The following ABCG1 variants were observed in gnomAD, a reference collection of about 807,000 sequenced individuals.
ABCG1 encodes ATP binding cassette subfamily G member 1.
Under a neutral mutation model 69.2 loss-of-function variants are expected in ABCG1, and 29 were observed. That is an observed-to-expected ratio of 0.42 (90% CI 0.31 to 0.57). The LOEUF (loss-of-function observed/expected upper bound fraction) is 0.57, where lower values mean the gene tolerates loss of function less well. Ranked by LOEUF, ABCG1 falls within the 20% of genes least tolerant of loss-of-function variation. The pLI is 0.15. For missense variants in ABCG1, 718 were observed against 898.1 expected (o/e 0.80, Z 2.56); for synonymous variants, 370 against 374.8 (o/e 0.99, Z 0.15).
intron 7 of ABCG1, 138 bp from the exon 8 acceptor site, chr21:42,285,742 C>A: frequency 1.5e-6 from 1 of 687,752 alleles, no homozygotes; most frequent in South Asian, 1.7e-5. Flanking sequence ...TGATGTAAAG[C>A]TCTCAGGAGA....
At chr21:42,285,452 G>A (rs1161195103) in intron 7 of ABCG1, among the ~76,000 whole-genome samples, 1 of 151,774 alleles carries the variant, frequency 6.6e-6, no homozygotes, top group Non-Finnish European at 1.5e-5. Flanking sequence ...GCTGCACTGA[G>A]CCAAGATCGT....
At chr21:42,220,131 C>T in intron 1 of ABCG1, 2 of 1,229,742 alleles carry the variant, frequency 1.6e-6, no homozygotes, top group Non-Finnish European at 2.3e-6. Flanking sequence ...ATCATCAGGC[C>T]CCCAGCCACC....
chr21:42,286,045 C>T, intron 8 of ABCG1, 51 bp downstream of exon 8: 1 of 1,296,432 alleles, frequency 7.7e-7, no homozygotes, highest in Middle Eastern at 2.0e-4. Flanking sequence ...TTTTCCTCCT[C>T]TGTGGGTCTC....
Position 42,273,359 on chromosome 21 carries a change from G to A in ABCG1, c.461G>A (p.Cys154Tyr). Residue 154 changes from cysteine (C) to tyrosine (Y), a missense_variant, in exon 4 of 15, where the codon TGC becomes TAC. Physicochemically the swap from Cys to Tyr is radical, Grantham distance 194 (BLOSUM62 -2). Transcript: ENST00000398449. The surrounding 1 kb of genome is among the most constrained non-coding windows in gnomAD (Gnocchi z 5.3). Reference sequence around the variant, plus strand: ...AACGGCCTGCCCCGGGACCTGCGCTGCTTCCGGAAGGTGTCCTGCTACATC... The same window carrying A: ...AACGGCCTGCCCCGGGACCTGCGCTACTTCCGGAAGGTGTCCTGCTACATC... ...LINGLPRDLR[C>Y]FRKVSCYIMQ... 1.2e-6 allele frequency: 2 copies of A among 1,613,904 alleles called. No individual in the cohort carries two copies. The highest frequency in any genetic ancestry group is 1.7e-6 in the Non-Finnish European group (2 of 1,180,002).
At chr21:42,241,178 C>T (rs1015866608) in intron 2 of ABCG1, among the ~76,000 whole-genome samples, 12 of 152,342 alleles carry the variant, frequency 7.9e-5, no homozygotes, top group South Asian at 4.1e-4. Context: ...AGGATTCTGA[C>T]GGAGGTGACC....
chr21:42,232,503 A>G (rs2067915403), intron 2 of ABCG1, among the ~76,000 whole-genome samples: 2 of 152,178 alleles, frequency 1.3e-5, no homozygotes, highest in African/African-American at 2.4e-5. Context: ...TTATTTGGAC[A>G]TGTTAATACT....
In ABCG1 at chr21:42,291,918, C is replaced by T. The variant is rs558483812; in HGVS notation, c.1653+262C>T. 8.3e-4 allele frequency among the ~76,000 whole-genome samples: 126 copies of T among 152,286 alleles called. No homozygotes were observed. The highest frequency in any genetic ancestry group is 1.2e-3 in the Non-Finnish European group (81 of 68,006). ...CTTCCCAGATCTGAGCTCCTGTAGC[C>T]CCAAGCACAGCCACGCTTAGGTGCT... is the stretch of plus-strand genomic sequence containing the variant. On this transcript the variant is annotated intron_variant, in intron 13 of 14. Coordinates refer to ENST00000398449, the MANE Select transcript of ABCG1 (RefSeq NM_016818.3). The surrounding 1 kb of genome is among the most constrained non-coding windows in gnomAD (Gnocchi z 6.4).
At chr21:42,248,910 A>G (rs2068177319) in intron 2 of ABCG1, among the ~76,000 whole-genome samples, 1 of 151,372 alleles carries the variant, frequency 6.6e-6, no homozygotes, top group Non-Finnish European at 1.5e-5. Flanking sequence ...CTCAAAAAAA[A>G]AAAAAAAAAA....
At chr21:42,263,169 G>C (rs897583124) in intron 2 of ABCG1, among the ~76,000 whole-genome samples, 1 of 152,202 alleles carries the variant, frequency 6.6e-6, no homozygotes, top group Non-Finnish European at 1.5e-5. Flanking sequence ...CCTTGTTCCA[G>C]GGGCTGTCTG....
Position 42,287,107 on chromosome 21 carries a change from G to A in ABCG1, c.974-782G>A, listed in dbSNP as rs372834503. Among the ~76,000 whole-genome samples, 10 of 152,190 alleles carry A rather than the reference G, an allele frequency of 6.6e-5. No homozygotes were observed. The highest frequency in any genetic ancestry group is 1.0e-4 in the Non-Finnish European group (7 of 68,034). ...GGGAGCTTTGGGCCTTAGCAAGAAC[G>A]TTACTGGAGTGGGAGGCAAGGCATC... is the stretch of plus-strand genomic sequence containing the variant. On this transcript the variant is annotated intron_variant, in intron 8 of 14. Coordinates refer to ENST00000398449, the MANE Select transcript of ABCG1 (RefSeq NM_016818.3). The surrounding 1 kb of genome is among the most constrained non-coding windows in gnomAD (Gnocchi z 6.2).
intron 2 of ABCG1, among the ~76,000 whole-genome samples, chr21:42,261,492 C>G (rs926592326): frequency 3.9e-5 from 6 of 152,198 alleles, no homozygotes; most frequent in Admixed American, 3.3e-4. Flanking sequence ...CTGGCCTGGT[C>G]GAAGGGGCAC....
intron 2 of ABCG1, among the ~76,000 whole-genome samples, chr21:42,257,361 C>G (rs534683623): frequency 6.6e-6 from 1 of 152,240 alleles, no homozygotes; most frequent in Non-Finnish European, 1.5e-5. Context: ...CACCCGCAGC[C>G]TCTGCAGCAT....
At chr21:42,286,172 C>G (rs924319876) in intron 8 of ABCG1, 178 bp downstream of exon 8, 7 of 568,878 alleles carry the variant, frequency 1.2e-5, no homozygotes, top group African/African-American at 1.9e-5. Flanking sequence ...CCTCTAGACT[C>G]TAGGTAAAAT....
At chr21:42,236,832 G>A (rs183120166) in intron 2 of ABCG1, among the ~76,000 whole-genome samples, 17 of 152,328 alleles carry the variant, frequency 1.1e-4, no homozygotes, top group African/African-American at 4.1e-4. Flanking sequence ...GTAAGGATGA[G>A]TGTCACTAAC....
At chr21:42,268,393 G>A (rs1244847738) in intron 2 of ABCG1, among the ~76,000 whole-genome samples, 3 of 116,072 alleles carry the variant, frequency 2.6e-5, no homozygotes, top group Non-Finnish European at 4.1e-5. Context: ...GTGTGTGCGC[G>A]CGCGCGCTGG....
chr21:42,221,018 C>A (rs2067717131), intron 1 of ABCG1, among the ~76,000 whole-genome samples: 1 of 152,096 alleles, frequency 6.6e-6, no homozygotes, highest in Admixed American at 6.5e-5. Context: ...GTTATATTAT[C>A]ATTTGATAAT....
intron 2 of ABCG1, among the ~76,000 whole-genome samples, chr21:42,251,162 A>T (rs1207930429): frequency 6.6e-6 from 1 of 152,206 alleles, no homozygotes; most frequent in Non-Finnish European, 1.5e-5. Flanking sequence ...GTTTGCCTCC[A>T]GGCCCTACTG....
At chr21:42,210,350 T>C (rs984876066) in intron 2 of ABCG1, among the ~76,000 whole-genome samples, 1 of 151,990 alleles carries the variant, frequency 6.6e-6, no homozygotes, top group African/African-American at 2.4e-5. Context: ...TACACAGTGG[T>C]TCCAGTTACT....
At chr21:42,239,104 C>G (rs2068015858) in intron 2 of ABCG1, among the ~76,000 whole-genome samples, 1 of 152,102 alleles carries the variant, frequency 6.6e-6, no homozygotes, top group East Asian at 1.9e-4. Flanking sequence ...TACTTGTTAG[C>G]AAAATGCCCT....
Sources: gnomAD v4.1 joint callset for allele counts (sites outside exome capture counted in the v4.1 genomes callset) on GRCh38, gnomAD v4.1.1 for gene constraint, Gnocchi (gnomAD v3.1) non-coding constraint, MANE v1.5 for transcripts, NCBI Gene and HGNC (gene_info 2026-07-23, HGNC 2026-07-21) for gene names.